SAMD3: variants seen among roughly 807,000 people sequenced by gnomAD.
The protein encoded by SAMD3 is sterile alpha motif domain-containing protein 3.
SAMD3 carries 63 observed loss-of-function variants against 58.5 expected under a neutral mutation model. That is an observed-to-expected ratio of 1.08 (90% confidence interval 0.88 to 1.33). The LOEUF is 1.33. Among genes scored for constraint, SAMD3 ranks in the 40% most tolerant of loss-of-function variants. SAMD3 has a pLI of 0.00. For missense variants in SAMD3, 604 were observed against 608.4 expected, an observed-to-expected ratio of 0.99 and a Z score of 0.08; for synonymous variants, 220 against 210.3, an observed-to-expected ratio of 1.05 and a Z score of -0.40.
intron 1 of SAMD3, among the ~76,000 whole-genome samples, chr6:130,360,051 G>T (rs1777939595): frequency 1.3e-5 from 2 of 152,188 alleles, no homozygotes; most frequent in Admixed American, 6.5e-5. Flanking sequence ...GCAAAGAATG[G>T]TATCTAATGC....
At chr6:130,352,272 C>G (rs780730388) in intron 1 of SAMD3, among the ~76,000 whole-genome samples, 2 of 151,830 alleles carry the variant, frequency 1.3e-5, no homozygotes, top group Non-Finnish European at 1.5e-5. Flanking sequence ...GGGATAAACT[C>G]GAGTCAAGGA....
intron 8 of SAMD3, chr6:130,161,347 GCTTT>G (rs1282435810): frequency 2.0e-5 from 3 of 151,956 alleles, no homozygotes; most frequent in African/African-American, 4.8e-5. Context: ...TATCTAAATG[GCTTT>G]CTTTCATCTA....
chr6:130,320,691 T>C (rs1776555706), intron 1 of SAMD3, among the ~76,000 whole-genome samples: 1 of 152,232 alleles, frequency 6.6e-6, no homozygotes, highest in African/African-American at 2.4e-5. Context: ...GAATGGATTA[T>C]TGATATACTC....
chr6:130,348,276 G>A (rs1395577597), intron 1 of SAMD3, among the ~76,000 whole-genome samples: 1 of 152,152 alleles, frequency 6.6e-6, no homozygotes, highest in East Asian at 1.9e-4. Flanking sequence ...AAAAGAGACA[G>A]ACTGGCAAAT....
At chr6:130,217,941 A>G (rs1158511003) in intron 1 of SAMD3, among the ~76,000 whole-genome samples, 1 of 152,196 alleles carries the variant, frequency 6.6e-6, no homozygotes, top group Non-Finnish European at 1.5e-5. Context: ...ATCACAAATC[A>G]GTTCCAGGCC....
chr6:130,278,986 G>T (rs910373820), intron 2 of SAMD3, among the ~76,000 whole-genome samples: 2 of 152,126 alleles, frequency 1.3e-5, no homozygotes, highest in African/African-American at 4.8e-5. Context: ...AAGGGTTAGA[G>T]AATGAACCTT....
rs369228389 is a variant in SAMD3, at chr6:130,350,806, C to T, written c.-304+14314G>A. Among the ~76,000 whole-genome samples the T allele has an allele frequency of 9.2e-5, 14 of 152,262 alleles. No individual in the cohort carries two copies. In the South Asian group the frequency reaches 1.2e-3, roughly 14 times the overall value. ...AGTTTAGGCAAAGCTGGAGGCATCA[C>T]GCTACCTGACTTCAAACTATACTAC... is the stretch of plus-strand genomic sequence containing the variant. On this transcript the variant is annotated intron_variant, in intron 1 of 13. Coordinates refer to the SAMD3 transcript ENST00000368134.
At chr6:130,292,907 C>G (rs1400667194) in intron 2 of SAMD3, among the ~76,000 whole-genome samples, 3 of 152,202 alleles carry the variant, frequency 2.0e-5, no homozygotes, top group African/African-American at 7.2e-5. Flanking sequence ...CGTGAACCAC[C>G]ATGCCCGGCC....
chr6:130,345,697 A>G lies in SAMD3; in HGVS notation c.-304+19423T>C, dbSNP rs372955198. ...ATTGAATGAGTAAATACAGACACTG[A>G]GCTTCTTCTAGGCCCCATAACACAG... On this transcript the variant is annotated intron_variant, in intron 1 of 13. Coordinates refer to the SAMD3 transcript ENST00000368134. Among the ~76,000 whole-genome samples the G allele has an allele frequency of 7.9e-5, 12 of 152,162 alleles. No individual in the cohort carries two copies. In the East Asian group the frequency reaches 1.7e-3, roughly 22 times the overall value.
At chr6:130,304,995 T>G (rs1169358067) in intron 2 of SAMD3, among the ~76,000 whole-genome samples, 1 of 134,226 alleles carries the variant, frequency 7.5e-6, no homozygotes, top group Non-Finnish European at 1.5e-5. Context: ...AGTGCAGTGG[T>G]GCAATCTTGG....
intron 2 of SAMD3, among the ~76,000 whole-genome samples, chr6:130,292,879 A>C (rs1279161741): frequency 3.3e-5 from 5 of 152,008 alleles, no homozygotes; most frequent in African/African-American, 1.2e-4. Flanking sequence ...CGGCCTCCCA[A>C]AGTGCTGGGA....
chr6:130,200,557 CAA>C (rs11375395), intron 5 of SAMD3, among the ~76,000 whole-genome samples: 6 of 97,224 alleles, frequency 6.2e-5, no homozygotes, highest in Admixed American at 2.8e-4. Flanking sequence ...CCCCGACCCA[CAA>C]AAAAAAAAAA....
At chr6:130,162,560 G>A (rs553957134) in intron 8 of SAMD3, among the ~76,000 whole-genome samples, 10 of 152,174 alleles carry the variant, frequency 6.6e-5, no homozygotes, top group South Asian at 6.2e-4. Context: ...CAAGCTTGTC[G>A]TGAACTCCTG....
chr6:130,353,486 T>C (rs1433603168), intron 1 of SAMD3, among the ~76,000 whole-genome samples: 5 of 152,204 alleles, frequency 3.3e-5, no homozygotes, highest in Non-Finnish European at 5.9e-5. Context: ...TCACTGCACT[T>C]AATATAGGAA....
At chr6:130,264,163 C>T (rs1389291663) in intron 2 of SAMD3, among the ~76,000 whole-genome samples, 1 of 152,178 alleles carries the variant, frequency 6.6e-6, no homozygotes, top group Non-Finnish European at 1.5e-5. Context: ...GTCCTCCAGT[C>T]GACCATGCAT....
rs55987974 is a variant in SAMD3, at chr6:130,221,144, A to G, written c.-68+1550T>C. ...GCTGGGATTACAGGCATGAGCCACC[A>G]CGCCCAGCCAGTGAAAAGATCTTTA... On this transcript the variant is annotated intron_variant, in intron 1 of 11. Transcript: ENST00000439090. Among the ~76,000 whole-genome samples, 1,306 of 152,274 alleles carry G rather than the reference A, an allele frequency of 8.6e-3. 12 individuals are homozygous for G. Among genetic ancestry groups the G allele is most frequent in the African/African-American group, 0.017 (727 of 41,548 alleles).
intron 4 of SAMD3, among the ~76,000 whole-genome samples, chr6:130,212,726 G>A (rs1285146670): frequency 6.6e-6 from 1 of 152,224 alleles, no homozygotes; most frequent in African/African-American, 2.4e-5. Flanking sequence ...CTGATTTGCA[G>A]TGGAAACAAG....
At chr6:130,265,258 G>A (rs1774299736) in intron 2 of SAMD3, among the ~76,000 whole-genome samples, 2 of 152,036 alleles carry the variant, frequency 1.3e-5, no homozygotes, top group Admixed American at 1.3e-4. Context: ...TATTCTAGTG[G>A]GCCCAACCTC....
rs544361804 is a variant in SAMD3, at chr6:130,196,760, C to T, written c.384-12137G>A. Among the ~76,000 whole-genome samples, 519 of 152,340 alleles carry T rather than the reference C, an allele frequency of 3.4e-3. 1 individual carries two copies. Among genetic ancestry groups the T allele is most frequent in the Non-Finnish European group, 5.9e-3 (399 of 68,044 alleles). ...CCAGGACTGGCAAATTAGCTTTACT[C>T]AACATGCCCCGAGTCAGATAACTAA... On this transcript the variant is annotated intron_variant, in intron 5 of 11. Transcript: ENST00000439090.
Sources: gnomAD v4.1 joint callset for allele counts (sites outside exome capture counted in the v4.1 genomes callset) on GRCh38, gnomAD v4.1.1 for gene constraint, MANE v1.5 for transcripts, NCBI Gene and HGNC (gene_info 2026-07-23, HGNC 2026-07-21) for gene names.